PLCE1: variants seen among roughly 807,000 people sequenced by gnomAD.
The protein encoded by PLCE1 is 1-phosphatidylinositol 4,5-bisphosphate phosphodiesterase epsilon-1.
In PLCE1, 119 loss-of-function variants were observed where a neutral mutation model predicts 242.8. The ratio of observed to expected loss-of-function variants is 0.49; its 90% CI spans 0.42 to 0.57. The LOEUF is 0.57. PLCE1 is among the 20% of genes least tolerant of loss of function. PLCE1 has a pLI of 0.00. For synonymous variants in PLCE1, 945 were observed against 1,017.4 expected, an observed-to-expected ratio of 0.93 and a Z score of 1.35; for missense variants, 2,441 against 2,788.8, an observed-to-expected ratio of 0.88 and a Z score of 2.81.
intron 10 of PLCE1, 89 bp downstream of exon 10, chr10:94,254,396 C>T: frequency 2.3e-6 from 2 of 871,138 alleles, no homozygotes. Context: ...GTGATTTAAG[C>T]ATTGCAAACA....
chr10:94,191,910 C>T (rs1024402914), intron 4 of PLCE1, among the ~76,000 whole-genome samples: 9 of 152,184 alleles, frequency 5.9e-5, no homozygotes, highest in Non-Finnish European at 1.3e-4. Flanking sequence ...TGGGAAGAAA[C>T]CCCTGGTTTT....
intron 2 of PLCE1, 125 bp from the exon 3 acceptor site, chr10:94,132,049 G>T (rs1213670119): frequency 6.0e-6 from 5 of 836,638 alleles, no homozygotes; most frequent in Non-Finnish European, 7.8e-6. Context: ...CGAGTGCTCA[G>T]AGTGTTTGCA....
In PLCE1 at chr10:94,322,368, A is replaced by C. The variant is rs373717754; in HGVS notation, c.6501+309A>C. Among the ~76,000 whole-genome samples, 151 of 152,066 alleles carry C rather than the reference A, an allele frequency of 9.9e-4. 1 individual carries two copies. In the East Asian group the frequency reaches 0.014, roughly 14 times the overall value. On this transcript the variant is annotated intron_variant, in intron 30 of 32. Coordinates refer to ENST00000371380, the MANE Select transcript of PLCE1 (RefSeq NM_016341.4). ...GCCCTGTCTCTAATTGAAAAAAAAA[A>C]CAACCAACCCAGTGGCTCACACCTG...
intron 4 of PLCE1, among the ~76,000 whole-genome samples, chr10:94,181,119 A>G (rs1340068645): frequency 6.6e-6 from 1 of 152,210 alleles, no homozygotes; most frequent in Non-Finnish European, 1.5e-5. Flanking sequence ...TCATTCTTCA[A>G]CCATCTAATG....
At chr10:94,114,562 G>A (rs1446997741) in intron 2 of PLCE1, among the ~76,000 whole-genome samples, 1 of 152,066 alleles carries the variant, frequency 6.6e-6, no homozygotes, top group African/African-American at 2.4e-5. Context: ...TTCCTTTTAT[G>A]CTTGGATTTT....
At chr10:94,076,281 T>C (rs933637480) in intron 2 of PLCE1, among the ~76,000 whole-genome samples, 13 of 152,178 alleles carry the variant, frequency 8.5e-5, no homozygotes, top group Non-Finnish European at 1.3e-4. Context: ...TTATCTGTTT[T>C]CTTGAGAGAA....
At chr10:94,246,858 T>C (rs776134403) in intron 8 of PLCE1, among the ~76,000 whole-genome samples, 1 of 152,200 alleles carries the variant, frequency 6.6e-6, no homozygotes. Flanking sequence ...ACGCCTGTAA[T>C]CCCAGCACTC....
intron 29 of PLCE1, among the ~76,000 whole-genome samples, chr10:94,318,456 G>A (rs1365204666): frequency 3.9e-5 from 6 of 152,206 alleles, no homozygotes; most frequent in African/African-American, 1.4e-4. Context: ...CAAACACTAT[G>A]TTGAATGATA....
chr10:94,246,750 T>C, intron 8 of PLCE1, 129 bp downstream of exon 8: 1 of 774,800 alleles, frequency 1.3e-6, no homozygotes, highest in South Asian at 1.6e-5. Flanking sequence ...GGGCAGCTTT[T>C]ACTTAACCTC....
chr10:94,021,256 C>A (rs1029168378), intron 1 of PLCE1, among the ~76,000 whole-genome samples: 2 of 144,152 alleles, frequency 1.4e-5, no homozygotes, highest in Non-Finnish European at 3.0e-5. Flanking sequence ...TTTTGAAGAC[C>A]AGAAGTTTTA....
chr10:94,050,730 T>C (rs1417855389), intron 2 of PLCE1, among the ~76,000 whole-genome samples: 1 of 152,120 alleles, frequency 6.6e-6, no homozygotes, highest in African/African-American at 2.4e-5. Context: ...AAAATAATTA[T>C]CTAGCACATA....
In PLCE1 at chr10:94,258,776, A is replaced by G. The variant is rs200571103; in HGVS notation, c.3555-24A>G. 6.6e-5 allele frequency: 106 copies of G among 1,614,048 alleles called. No homozygotes were observed. In the Admixed American group the frequency reaches 1.2e-3, roughly 19 times the overall value. On this transcript the variant is annotated intron_variant, in intron 11 of 32. Transcript: ENST00000371380. ...ACAACAGTGGCCTGCCCTTGTGCCCATGAAGGCCTTGTCTTTGTTGCAGTG... is the reference window on the plus strand; with the variant it reads ...ACAACAGTGGCCTGCCCTTGTGCCCGTGAAGGCCTTGTCTTTGTTGCAGTG...
At chr10:94,164,679 G>T (rs1186837441) in intron 3 of PLCE1, among the ~76,000 whole-genome samples, 1 of 152,210 alleles carries the variant, frequency 6.6e-6, no homozygotes, top group African/African-American at 2.4e-5. Flanking sequence ...TTGCTGGTGA[G>T]GAGCTGCATT....
intron 22 of PLCE1, among the ~76,000 whole-genome samples, chr10:94,293,190 A>G (rs1424817018): frequency 6.6e-6 from 1 of 152,164 alleles, no homozygotes; most frequent in Non-Finnish European, 1.5e-5. Context: ...GCCACTGATC[A>G]TTTCTGGCCA....
At chr10:94,110,193 G>A (rs751152156) in intron 2 of PLCE1, among the ~76,000 whole-genome samples, 3 of 148,630 alleles carry the variant, frequency 2.0e-5, no homozygotes, top group Admixed American at 6.8e-5. Flanking sequence ...CTCCCGACTA[G>A]CTGGGACTAC....
At chr10:94,134,485 CACAA>C (rs1314979800) in intron 3 of PLCE1, among the ~76,000 whole-genome samples, 1 of 152,150 alleles carries the variant, frequency 6.6e-6, no homozygotes, top group Non-Finnish European at 1.5e-5. Context: ...GGTTTCTCAC[CACAA>C]ACAATGATAA....
intron 19 of PLCE1, among the ~76,000 whole-genome samples, chr10:94,278,004 A>C (rs1272967968): frequency 6.6e-6 from 1 of 152,192 alleles, no homozygotes; most frequent in East Asian, 1.9e-4. Flanking sequence ...ACCGAGCTCC[A>C]TAAAACCCAC....
intron 2 of PLCE1, among the ~76,000 whole-genome samples, chr10:94,075,153 T>G (rs2044464571): frequency 6.6e-6 from 1 of 152,160 alleles, no homozygotes; most frequent in African/African-American, 2.4e-5. Flanking sequence ...CACAATTAGT[T>G]TCTCTCTCCT....
At chr10:94,294,766 G>T (rs1234541026) in intron 23 of PLCE1, among the ~76,000 whole-genome samples, 3 of 152,074 alleles carry the variant, frequency 2.0e-5, no homozygotes, top group African/African-American at 4.8e-5. Context: ...TCATCAGGGG[G>T]GTGGTTGCTG....
Sources: allele counts gnomAD v4.1 joint callset (sites outside exome capture counted in the v4.1 genomes callset), GRCh38; gene constraint gnomAD v4.1.1; transcripts MANE v1.5; gene names NCBI Gene and HGNC (gene_info 2026-07-23, HGNC 2026-07-21).